ST7L: variants seen among roughly 807,000 people sequenced by gnomAD.
The protein encoded by ST7L is suppressor of tumorigenicity 7 protein-like.
A neutral mutation model predicts 72.5 loss-of-function variants in ST7L; 57 were observed. The observed-to-expected ratio is 0.79, with a 90% confidence interval of 0.64 to 0.98. The LOEUF (loss-of-function observed/expected upper bound fraction) is 0.98. Ranked by LOEUF, ST7L falls within the 50% of genes least tolerant of loss-of-function variation. The pLI, the probability that ST7L is intolerant of heterozygous loss-of-function variation, is 0.00. For missense variants in ST7L, 576 were observed against 672.2 expected (o/e 0.86, Z 1.58); for synonymous variants, 221 against 240.9 (o/e 0.92, Z 0.77).
chr1:112,518,642 C>A (rs1259954020), downstream of ST7L, among the ~76,000 whole-genome samples: 1 of 152,138 alleles, frequency 6.6e-6, no homozygotes, highest in East Asian at 1.9e-4. Context: ...TCCATAACAT[C>A]TGAGGTGTAA....
Position 112,569,957 on chromosome 1 carries a change from CA to C in ST7L, c.1245+7028del, listed in dbSNP as rs750153250. ...TGGATGACAGAGGAAGATTCTGTCT[CA>C]AAAAAAAAAAAAAAAACAAAAAAAC... On this transcript the variant is annotated intron_variant, in intron 11 of 14. Transcript: ENST00000358039. 3.4e-3 allele frequency among the ~76,000 whole-genome samples: 250 copies of C among 73,346 alleles called. 1 individual carries two copies. Among genetic ancestry groups the C allele is most frequent in the African/African-American group, 0.011 (193 of 18,146 alleles). The allele number at this position is 73,346 out of a possible 152,430, so 48.1% of individuals were successfully genotyped here.
chr1:112,556,997 A>AAAAAAAAAAAAAC (rs1557974323), intron 11 of ST7L, among the ~76,000 whole-genome samples: 4 of 142,732 alleles, frequency 2.8e-5, no homozygotes, highest in African/African-American at 1.2e-4. Flanking sequence ...AAAAAAAAAA[A>AAAAAAAAAAAAAC]ACACAAAGAA....
intron 12 of ST7L, among the ~76,000 whole-genome samples, chr1:112,550,957 T>A (rs1658022291): frequency 6.6e-6 from 1 of 152,082 alleles, no homozygotes; most frequent in African/African-American, 2.4e-5. Context: ...TCATTCAGTC[T>A]CCTCATTACA....
intron 11 of ST7L, among the ~76,000 whole-genome samples, chr1:112,575,776 T>C (rs764268697): frequency 9.9e-5 from 15 of 152,214 alleles, no homozygotes; most frequent in Non-Finnish European, 1.9e-4. Flanking sequence ...TGCAAAACCA[T>C]AGATATGGGT....
intron 2 of ST7L, 45 bp from the exon 3 acceptor site, chr1:112,611,048 A>T (rs748207526): frequency 1.3e-6 from 2 of 1,583,526 alleles, no homozygotes; most frequent in Non-Finnish European, 1.7e-6. Context: ...CGATCAGCAG[A>T]TACATGAGCT....
At chr1:112,570,671 T>C in intron 11 of ST7L, 1 of 449,084 alleles carries the variant, frequency 2.2e-6, no homozygotes, top group Non-Finnish European at 4.5e-6. Flanking sequence ...AATCCCTTTA[T>C]GTTTGCTTGC....
intron 11 of ST7L, among the ~76,000 whole-genome samples, chr1:112,568,861 A>AATATATATATATATATATAT (rs377429784): frequency 1.7e-5 from 2 of 114,906 alleles, no homozygotes; most frequent in Non-Finnish European, 3.4e-5. Context: ...TATAAATATA[A>AATATATATATATATATATAT]ATATATATAT....
In ST7L at chr1:112,570,416, A is replaced by T. The variant is rs1489423099; in HGVS notation, c.1245+6570T>A. On this transcript the variant is annotated intron_variant, in intron 11 of 14. Transcript: ENST00000358039. ...ACAAATTGCACAGCTCTAGACCTAC[A>T]GCCATTTCTGTTGTAGTTATGTGGA... Among the ~76,000 whole-genome samples, 3 of 152,072 alleles carry T rather than the reference A, an allele frequency of 2.0e-5. No homozygotes were observed. The East Asian group carries it at 5.8e-4, about 29-fold the overall frequency.
intron 14 of ST7L, chr1:112,540,987 T>A (rs1167938787): frequency 4.8e-6 from 3 of 623,248 alleles, no homozygotes; most frequent in Non-Finnish European, 7.4e-6. Context: ...TAAGTTCATA[T>A]AGAAAAGTAA....
intron 11 of ST7L, among the ~76,000 whole-genome samples, chr1:112,566,555 C>G (rs1222457594): frequency 6.6e-6 from 1 of 152,046 alleles, no homozygotes; most frequent in Non-Finnish European, 1.5e-5. Flanking sequence ...CCTCAGCCTC[C>G]CAAAGTGTTG....
chr1:112,601,292 C>T (rs905962814), intron 3 of ST7L, among the ~76,000 whole-genome samples: 2 of 152,120 alleles, frequency 1.3e-5, no homozygotes, highest in Admixed American at 1.3e-4. Flanking sequence ...GTCACCCAGG[C>T]TGGAGTACAG....
At chr1:112,519,872 C>CTTCTTTTTTTTTTTTT (rs10634267), downstream of ST7L, among the ~76,000 whole-genome samples, 1 of 115,646 alleles carries the variant, frequency 8.6e-6, no homozygotes, top group African/African-American at 3.2e-5. Flanking sequence ...GCCCATGCTT[C>CTTCTTTTTTTTTTTTT]TTTTTTTTTT....
At position 112,542,075 on chromosome 1, in the gene ST7L, G is replaced by A. The variant is rs1162838855; in HGVS notation, c.1505C>T (p.Ser502Phe). The change falls in exon 14 of 15, where the codon TCT becomes TTT. Residue 502 changes from serine (S) to phenylalanine (F), a missense_variant. Coordinates refer to ENST00000358039, the MANE Select transcript of ST7L (RefSeq NM_017744.5). Reference protein sequence around the residue: ...RELLPTFHHVSVYPKKELPLF... With the variant: ...RELLPTFHHVFVYPKKELPLF... ...AGGAAGCTCCTTTTTTGGGTAAACA[G>A]AAACATGATGAAAGGCTGCAATGGA... The A allele has an allele frequency of 6.2e-7, 1 of 1,609,166 alleles. No individual in the cohort carries two copies. Among genetic ancestry groups the A allele is most frequent in the Admixed American group, 1.7e-5 (1 of 59,004 alleles).
At chr1:112,550,473 A>C (rs1209125099) in intron 13 of ST7L, 128 bp downstream of exon 13, 7 of 602,646 alleles carry the variant, frequency 1.2e-5, no homozygotes, top group Non-Finnish European at 1.7e-5. Context: ...ACATCCCAGA[A>C]GTGGCTAAAA....
intron 6 of ST7L, among the ~76,000 whole-genome samples, chr1:112,591,179 C>T (rs886642244): frequency 2.0e-5 from 3 of 152,080 alleles, no homozygotes; most frequent in African/African-American, 7.2e-5. Context: ...GATCCGCCTG[C>T]CTCGGCCTCC....
intron 14 of ST7L, among the ~76,000 whole-genome samples, chr1:112,536,808 T>C (rs149091732): frequency 6.6e-6 from 1 of 152,192 alleles, no homozygotes; most frequent in East Asian, 1.9e-4. Context: ...TTAGTAGAAA[T>C]ATGTGGAAAC....
chr1:112,560,917 C>A (rs1030425119), intron 11 of ST7L, among the ~76,000 whole-genome samples: 1 of 149,976 alleles, frequency 6.7e-6, no homozygotes, highest in Non-Finnish European at 1.5e-5. Context: ...AAGCCGAGAT[C>A]GTGCCATTGC....
chr1:112,521,832 T>C (rs1652898510), downstream of ST7L: 1 of 152,012 alleles, frequency 6.6e-6, no homozygotes. Context: ...TATTTTTATG[T>C]GAGTTGGACA....
intron 3 of ST7L, among the ~76,000 whole-genome samples, chr1:112,607,998 G>A (rs1284383938): frequency 2.6e-5 from 4 of 152,136 alleles, no homozygotes; most frequent in Admixed American, 2.6e-4. Context: ...TTGAACAAAA[G>A]CATGCTTTAA....
Sources: gnomAD v4.1 joint callset for allele counts (sites outside exome capture counted in the v4.1 genomes callset) on GRCh38, gnomAD v4.1.1 for gene constraint, MANE v1.5 for transcripts, NCBI Gene and HGNC (gene_info 2026-07-23, HGNC 2026-07-21) for gene names.